Variants in HTR7 observed in about 807,000 individuals in gnomAD.
HTR7 encodes 5-hydroxytryptamine receptor 7, also known as 5-HT-7.
A neutral mutation model predicts 34.0 loss-of-function variants in HTR7; 16 were observed. The observed-to-expected ratio is 0.47, with a 90% confidence interval of 0.32 to 0.71. The LOEUF (loss-of-function observed/expected upper bound fraction) is 0.71. Ranked by LOEUF, HTR7 falls within the 30% of genes least tolerant of loss-of-function variation. The pLI is 0.04. For missense variants in HTR7, 504 were observed against 625.5 expected (o/e 0.81, Z 2.07); for synonymous variants, 265 against 260.2 (o/e 1.02, Z -0.18).
At chr10:90,845,553 C>T (rs1846402829) in intron 1 of HTR7, among the ~76,000 whole-genome samples, 1 of 152,150 alleles carries the variant, frequency 6.6e-6, no homozygotes, top group Non-Finnish European at 1.5e-5. Flanking sequence ...AAAACACCCT[C>T]ACAAGGATAT....
At chr10:90,751,092 T>A (rs1332474793) in intron 1 of HTR7, among the ~76,000 whole-genome samples, 1 of 152,162 alleles carries the variant, frequency 6.6e-6, no homozygotes, top group Non-Finnish European at 1.5e-5. Flanking sequence ...GGTTCTTCAT[T>A]TGCAAACTTC....
At chr10:90,743,983 T>C in intron 2 of HTR7, 3 of 561,298 alleles carry the variant, frequency 5.3e-6, no homozygotes, top group Non-Finnish European at 1.0e-5. Flanking sequence ...GGGTAAATAT[T>C]TGGGAGTAGG....
At chr10:90,832,668 T>C (rs1042819918) in intron 1 of HTR7, among the ~76,000 whole-genome samples, 2 of 151,990 alleles carry the variant, frequency 1.3e-5, no homozygotes, top group African/African-American at 4.8e-5. Context: ...ATGGCCAGAA[T>C]GGGCACCGAG....
In HTR7 at chr10:90,759,524, G is replaced by A. The variant is rs538086111; in HGVS notation, c.540-9930C>T. Among the ~76,000 whole-genome samples, 424 of 150,134 alleles carry A rather than the reference G, an allele frequency of 2.8e-3. 1 individual carries two copies. The highest frequency in any genetic ancestry group is 5.4e-3 in the Admixed American group (81 of 15,118). On this transcript the variant is annotated intron_variant, in intron 1 of 3. Transcript: ENST00000336152. ...CAAAAAATTAGCCGGGCGCGGTGGCGGGCGCCTGTAGTCCCAGCTACTCGG... is the reference window on the plus strand; with the variant it reads ...CAAAAAATTAGCCGGGCGCGGTGGCAGGCGCCTGTAGTCCCAGCTACTCGG...
At chr10:90,765,314 C>T (rs1845003856) in intron 1 of HTR7, among the ~76,000 whole-genome samples, 1 of 152,068 alleles carries the variant, frequency 6.6e-6, no homozygotes, top group African/African-American at 2.4e-5. Context: ...CTAGAAGTAT[C>T]CCTATTAGTT....
At chr10:90,815,641 G>A (rs941405851) in intron 1 of HTR7, among the ~76,000 whole-genome samples, 5 of 152,072 alleles carry the variant, frequency 3.3e-5, no homozygotes, top group African/African-American at 1.2e-4. Flanking sequence ...CTGGGTGACG[G>A]GATGATATGT....
At chr10:90,764,629 T>C (rs939966237) in intron 1 of HTR7, among the ~76,000 whole-genome samples, 1 of 152,172 alleles carries the variant, frequency 6.6e-6, no homozygotes, top group Non-Finnish European at 1.5e-5. Context: ...ACAATTTTAC[T>C]TCTTCTTTTC....
intron 1 of HTR7, among the ~76,000 whole-genome samples, chr10:90,832,259 G>A (rs532966653): frequency 1.3e-5 from 2 of 152,358 alleles, no homozygotes; most frequent in Admixed American, 1.3e-4. Context: ...AGGCAGTGCA[G>A]GAGGCCACGG....
intron 1 of HTR7, among the ~76,000 whole-genome samples, chr10:90,842,926 G>C (rs1006226921): frequency 6.6e-6 from 1 of 151,822 alleles, no homozygotes; most frequent in Non-Finnish European, 1.5e-5. Context: ...CCATCCCTTG[G>C]GACTGTCCCA....
chr10:90,834,033 G>A (rs1324780078), intron 1 of HTR7, among the ~76,000 whole-genome samples: 1 of 152,148 alleles, frequency 6.6e-6, no homozygotes, highest in Non-Finnish European at 1.5e-5. Flanking sequence ...ACAAGGATAG[G>A]TAAAAGGCAC....
At chr10:90,809,836 G>A (rs1331668170) in intron 1 of HTR7, among the ~76,000 whole-genome samples, 1 of 152,202 alleles carries the variant, frequency 6.6e-6, no homozygotes, top group African/African-American at 2.4e-5. Flanking sequence ...AGAGCCCCTG[G>A]AACTCTGGCC....
rs146171878 is a variant in HTR7 at position 90,857,381 on chromosome 10, C to T, written c.291G>A (p.Ala97=). 6.8e-6 allele frequency: 11 copies of T among 1,614,090 alleles called. No individual in the cohort carries two copies. The highest frequency in any genetic ancestry group is 2.2e-5 in the East Asian group (1 of 44,856). ...ILTLITLLTI[A]GNCLVVISVC... is the part of the protein sequence containing the mutation. ...CGGAGATCACCACCAGGCAGTTGCC[C>T]GCGATCGTCAGCAGCGTGATGAGCG... Residue 97 remains alanine (A), a synonymous_variant, in exon 1 of 4, where the codon GCG becomes GCA. Transcript: ENST00000336152. This position sits in a 1 kb window ranked among gnomAD's most constrained non-coding sequence, Gnocchi z 6.5.
At chr10:90,770,345 C>T (rs1845088312) in intron 1 of HTR7, among the ~76,000 whole-genome samples, 1 of 152,178 alleles carries the variant, frequency 6.6e-6, no homozygotes, top group South Asian at 2.1e-4. Flanking sequence ...GAGGGGCAGG[C>T]AGAGAGGAGC....
At position 90,857,503 on chromosome 10, in the gene HTR7, C is replaced by T; in HGVS notation, c.169G>A (p.Ala57Thr). Residue 57 changes from alanine to threonine, a missense_variant, in exon 1 of 4, where the codon GCG becomes ACG. Physicochemically the swap from Ala to Thr is moderately conservative, Grantham distance 58. This residue lies in a region of HTR7 where 139 missense variants were observed against 117.1 expected (regional missense o/e 1.19). Coordinates refer to ENST00000336152, the MANE Select transcript of HTR7 (RefSeq NM_019859.4). The surrounding 1 kb of genome is among the most constrained non-coding windows in gnomAD (Gnocchi z 6.5). The stretch of plus-strand genomic sequence containing the variant: ...TCCGGGGGCGCGTCCCAGGTGGGCG[C>T]CGGGCTGGCTGTCACCTCGCTCAGC... ...HLLSEVTASP[A>T]PTWDAPPDNA... 1 of 1,612,580 alleles carries T rather than the reference C, an allele frequency of 6.2e-7. No individual in the cohort carries two copies. The highest frequency in any genetic ancestry group is 8.5e-7 in the Non-Finnish European group (1 of 1,179,774).
chr10:90,752,709 T>C (rs1277245010), intron 1 of HTR7, among the ~76,000 whole-genome samples: 1 of 152,102 alleles, frequency 6.6e-6, no homozygotes, highest in Non-Finnish European at 1.5e-5. Context: ...GATTCAAATA[T>C]ATAAGGGAAT....
chr10:90,843,693 G>T (rs1412846552), intron 1 of HTR7, among the ~76,000 whole-genome samples: 1 of 54,760 alleles, frequency 1.8e-5, no homozygotes, highest in Non-Finnish European at 3.3e-5. Context: ...GAAAAGAAAG[G>T]GGGAAAGAAG....
intron 1 of HTR7, among the ~76,000 whole-genome samples, chr10:90,799,348 T>C: frequency 1.4e-5 from 1 of 73,512 alleles, no homozygotes; most frequent in East Asian, 3.5e-4. Context: ...CATGAATGAA[T>C]GAATGAATGA....
chr10:90,851,962 C>T (rs1269911443), intron 1 of HTR7, among the ~76,000 whole-genome samples: 2 of 152,184 alleles, frequency 1.3e-5, no homozygotes, highest in African/African-American at 4.8e-5. Flanking sequence ...CCTCTCCAGC[C>T]TTGTGGAACT....
chr10:90,823,881 A>C (rs945372758), intron 1 of HTR7, among the ~76,000 whole-genome samples: 3 of 152,168 alleles, frequency 2.0e-5, no homozygotes, highest in African/African-American at 7.2e-5. Context: ...GCCATGGGGA[A>C]GACATGCTTG....
Sources: gnomAD v4.1 joint callset for allele counts (sites outside exome capture counted in the v4.1 genomes callset) on GRCh38, gnomAD v4.1.1 for gene constraint, gnomAD v4.1.1 regional missense constraint, Gnocchi (gnomAD v3.1) non-coding constraint, MANE v1.5 for transcripts, NCBI Gene and HGNC (gene_info 2026-07-23, HGNC 2026-07-21) for gene names.